Variants in SYTL2 observed in about 807,000 individuals in gnomAD.
SYTL2 encodes synaptotagmin like 2.
SYTL2 carries 165 observed loss-of-function variants against 198.7 expected under a neutral mutation model. That is an observed-to-expected ratio of 0.83 (90% CI 0.73 to 0.94). The LOEUF (loss-of-function observed/expected upper bound fraction) is 0.94, where lower values mean the gene tolerates loss of function less well. Ranked by LOEUF, SYTL2 falls within the 40% of genes least tolerant of loss-of-function variation. The pLI is 0.00. For synonymous variants in SYTL2, 966 were observed against 917.7 expected (o/e 1.05, Z -0.95); for missense variants, 2,835 against 2,582.8 (o/e 1.10, Z -2.12).
rs1306533218 is a variant in SYTL2 at position 85,736,557 on chromosome 11, G to A, written c.530C>T (p.Thr177Ile). Residue 177 changes from threonine (T) to isoleucine (I), a missense_variant, in exon 6 of 20, where the codon ACT becomes ATT. Transcript: ENST00000359152. ...KLPEGHSSQQ[T>I]KNEQSKNGRT... The stretch of plus-strand genomic sequence containing the variant: ...TCCATTTTTTGACTGTTCATTTTTA[G>A]TTTGTTGTGATGAGTGACCTTCTGG... 1.9e-6 allele frequency: 3 copies of A among 1,608,124 alleles called. No homozygotes were observed. Among genetic ancestry groups the A allele is most frequent in the African/African-American group, 1.3e-5 (1 of 74,656 alleles).
rs2089203540 is a variant in SYTL2 at position 85,726,549 on chromosome 11, C to T, written c.2809G>A (p.Val937Ile). 3.1e-6 allele frequency: 5 copies of T among 1,598,838 alleles called. No homozygotes were observed. The highest frequency in any genetic ancestry group is 3.4e-6 in the Non-Finnish European group (4 of 1,178,374). ...AATGGAGCATGTCGTTCACTCCCGA[C>T]ATTTGAGGGAGGTTGCAGTGCTGGT... ...TLPALQPPSN[V>I]GSERHAPLEK... is the part of the protein sequence containing the mutation. Residue 937 changes from valine to isoleucine, a missense_variant, in exon 8 of 20, where the codon GTC (valine) becomes ATC (isoleucine). Transcript: ENST00000359152.
chr11:85,841,377 C>G, the SYTL2 span, among the ~76,000 whole-genome samples: 12 of 152,246 alleles, frequency 7.9e-5, no homozygotes, highest in South Asian at 2.3e-3. Context: ...CGCATATGTT[C>G]GTTGCAGCAC....
chr11:85,701,230 G>A (rs1243330818), intron 16 of SYTL2, among the ~76,000 whole-genome samples: 1 of 152,130 alleles, frequency 6.6e-6, no homozygotes, highest in Non-Finnish European at 1.5e-5. Flanking sequence ...TTGCATATAC[G>A]TAATGAGATA....
chr11:85,754,741 C>T (rs1177991460), intron 2 of SYTL2, among the ~76,000 whole-genome samples: 3 of 152,140 alleles, frequency 2.0e-5, no homozygotes, highest in Non-Finnish European at 1.5e-5. Flanking sequence ...AAATAACTTG[C>T]CCAGTGAAAC....
chr11:85,776,695 T>C (rs2092457451), intron 1 of SYTL2, among the ~76,000 whole-genome samples: 1 of 152,210 alleles, frequency 6.6e-6, no homozygotes, highest in South Asian at 2.1e-4. Flanking sequence ...TTGTGAATAG[T>C]GATGCAATAA....
the SYTL2 span, among the ~76,000 whole-genome samples, chr11:85,830,551 T>C: frequency 1.3e-5 from 2 of 152,046 alleles, no homozygotes; most frequent in Non-Finnish European, 2.9e-5. Context: ...GGCTGATGTC[T>C]CTTTGTGTCT....
At chr11:85,771,609 T>C (rs1261898324) in intron 1 of SYTL2, among the ~76,000 whole-genome samples, 1 of 152,178 alleles carries the variant, frequency 6.6e-6, no homozygotes, top group African/African-American at 2.4e-5. Context: ...AGGCATTCCC[T>C]GAACCACTTT....
intron 7 of SYTL2, among the ~76,000 whole-genome samples, chr11:85,730,148 G>T (rs758549747): frequency 2.0e-5 from 3 of 152,114 alleles, no homozygotes; most frequent in Non-Finnish European, 4.4e-5. Context: ...ATTCACAGCC[G>T]AATTCTACCG....
intron 2 of SYTL2, among the ~76,000 whole-genome samples, chr11:85,755,900 A>AG (rs2091838041): frequency 6.6e-6 from 1 of 152,206 alleles, no homozygotes; most frequent in South Asian, 2.1e-4. Context: ...TCCAAAATGC[A>AG]GGGGCCCACA....
At chr11:85,736,276 C>T (rs566077013) in intron 6 of SYTL2, among the ~76,000 whole-genome samples, 2 of 152,284 alleles carry the variant, frequency 1.3e-5, no homozygotes, top group African/African-American at 2.4e-5. Context: ...ATGGAAGTCA[C>T]GTAACAAGTC....
chr11:85,768,733 AC>A (rs1370988195), intron 1 of SYTL2, among the ~76,000 whole-genome samples: 1 of 152,164 alleles, frequency 6.6e-6, no homozygotes, highest in African/African-American at 2.4e-5. Flanking sequence ...TGCTGCAGAG[AC>A]CTTTGAGGAG....
intron 17 of SYTL2, among the ~76,000 whole-genome samples, chr11:85,699,975 T>C (rs1197669452): frequency 2.0e-5 from 3 of 152,218 alleles, no homozygotes; most frequent in African/African-American, 7.2e-5. Flanking sequence ...GGTTCTATTC[T>C]TATAGCACTA....
intron 4 of SYTL2, among the ~76,000 whole-genome samples, chr11:85,738,369 C>G (rs1202922428): frequency 6.6e-6 from 1 of 152,018 alleles, no homozygotes; most frequent in Non-Finnish European, 1.5e-5. Context: ...TCCAGAAAGG[C>G]ATTATAGCAG....
At chr11:85,709,264 T>C (rs2085815496) in intron 14 of SYTL2, 67 bp downstream of exon 14, 1 of 1,519,670 alleles carries the variant, frequency 6.6e-7, no homozygotes, top group African/African-American at 1.4e-5. Context: ...CTTTATTTCC[T>C]TCCAATTCCT....
At chr11:85,776,214 T>C (rs1467171860) in intron 1 of SYTL2, among the ~76,000 whole-genome samples, 3 of 152,194 alleles carry the variant, frequency 2.0e-5, no homozygotes, top group African/African-American at 7.2e-5. Context: ...CAGATATAGA[T>C]GCCCAATCTT....
intron 15 of SYTL2, among the ~76,000 whole-genome samples, chr11:85,705,590 A>G (rs965971253): frequency 1.3e-5 from 2 of 152,214 alleles, no homozygotes; most frequent in African/African-American, 2.4e-5. Flanking sequence ...TTCCTGCTGC[A>G]TATGGCCAAG....
rs142891822 is a variant in SYTL2, at chr11:85,734,592, G to A, written c.737C>T (p.Thr246Ile). The A allele has an allele frequency of 1.4e-4, 222 of 1,614,172 alleles. 1 individual carries two copies. In the African/African-American group the frequency reaches 2.4e-3, roughly 17 times the overall value. ...PKARKMIYKS[T>I]DLNKDDNQSF... ...CTGGTTATCATCTTTGTTTAAATCAGTTGATTTGTAGATCATCTTCCTGGC... is the reference window on the plus strand; with the variant it reads ...CTGGTTATCATCTTTGTTTAAATCAATTGATTTGTAGATCATCTTCCTGGC... The change falls in exon 7 of 20, where the codon ACT (threonine) becomes ATT (isoleucine). Residue 246 changes from threonine (T) to isoleucine (I), a missense_variant. Transcript: ENST00000359152.
At chr11:85,833,078 AGAAAGAAAGAAAGAAAGAAAGAAG>A in the SYTL2 span, among the ~76,000 whole-genome samples, 51 of 45,294 alleles carry the variant, frequency 1.1e-3, 1 homozygote, top group Middle Eastern at 8.9e-3. Flanking sequence ...AAAGAAAGAA[AGAAAGAAAGAAAGAAAGAAAGAAG>A]GAAGGAAGGA....
intron 1 of SYTL2, among the ~76,000 whole-genome samples, chr11:85,794,115 C>T (rs2092770089): frequency 1.3e-5 from 2 of 152,190 alleles, no homozygotes; most frequent in Middle Eastern, 3.4e-3. Context: ...AGCAACTCTC[C>T]CACCTCAGCC....
Sources: allele counts gnomAD v4.1 joint callset (sites outside exome capture counted in the v4.1 genomes callset), GRCh38; gene constraint gnomAD v4.1.1; transcripts MANE v1.5; gene names NCBI Gene and HGNC (gene_info 2026-07-23, HGNC 2026-07-21).